ECI2: variants seen among roughly 807,000 people sequenced by gnomAD.
ECI2 encodes the protein D3,D2-enoyl-CoA isomerase.
In ECI2, 27 loss-of-function variants were observed where a neutral mutation model predicts 38.4. The observed-to-expected ratio is 0.70, with a 90% CI of 0.52 to 0.97. The LOEUF (loss-of-function observed/expected upper bound fraction) is 0.97, where lower values mean the gene tolerates loss of function less well. Among genes scored for constraint, ECI2 ranks in the 50% least tolerant of loss-of-function variants. The pLI is 0.00. For synonymous variants in ECI2, 168 were observed against 172.0 expected, an observed-to-expected ratio of 0.98 and a Z score of 0.18; for missense variants, 470 against 474.4, an observed-to-expected ratio of 0.99 and a Z score of 0.09.
At chr6:4,116,381 T>A (rs1772270667) in intron 9 of ECI2, among the ~76,000 whole-genome samples, 1 of 151,562 alleles carries the variant, frequency 6.6e-6, no homozygotes, top group Non-Finnish European at 1.5e-5. Context: ...CTAATAGGAG[T>A]GAGATTATTC....
At chr6:4,126,110 TCAGA>T (rs767464093) in intron 6 of ECI2, 21 bp downstream of exon 6, 22 of 1,592,400 alleles carry the variant, frequency 1.4e-5, no homozygotes, top group Non-Finnish European at 1.9e-5. Context: ...CCCTCTGGGA[TCAGA>T]CAAAGGTCAG....
chr6:4,135,218 C>T (rs771781786), intron 1 of ECI2: 2 of 867,020 alleles, frequency 2.3e-6, no homozygotes, highest in South Asian at 1.4e-5. Context: ...AGTCCGGCCC[C>T]AGGAGGATGG....
rs755074064 is a variant in ECI2, at chr6:4,133,584, C to T, written c.178G>A (p.Glu60Lys). 15 of 1,613,692 alleles carry T rather than the reference C, an allele frequency of 9.3e-6. No homozygotes were observed. Among genetic ancestry groups the T allele is most frequent in the Admixed American group, 1.7e-5 (1 of 59,912 alleles). ...AGCGCGTAGAGTTTTAGCTTCACTT[C>T]GTTTCCTGGATCCTTTTTCAAGAGT... ...VKLLKKDPGN[E>K]VKLKLYALYK... The change falls in exon 2 of 10, where the codon GAA becomes AAA. Residue 60 changes from glutamate to lysine, a missense_variant. Coordinates refer to ENST00000380118, the MANE Select transcript of ECI2 (RefSeq NM_206836.3).
chr6:4,126,264 CTCAT>C, intron 5 of ECI2, 27 bp from the exon 6 acceptor site: 1 of 1,569,518 alleles, frequency 6.4e-7, no homozygotes, highest in South Asian at 1.1e-5. Flanking sequence ...CAACAGATCC[CTCAT>C]TCAATCATCC....
At chr6:4,118,561 G>A (rs1050716981) in intron 8 of ECI2, 1 of 152,262 alleles carries the variant, frequency 6.6e-6, no homozygotes, top group Non-Finnish European at 1.5e-5. Context: ...TTCTGGTCTT[G>A]TCACAATCCC....
intron 7 of ECI2, among the ~76,000 whole-genome samples, chr6:4,120,426 A>G (rs1462494569): frequency 1.3e-5 from 2 of 152,176 alleles, no homozygotes; most frequent in Non-Finnish European, 2.9e-5. Flanking sequence ...ATCTAAATAT[A>G]TCAAACATAG....
chr6:4,131,079 G>A (rs1195074885), intron 2 of ECI2: 1 of 464,288 alleles, frequency 2.2e-6, no homozygotes, highest in Non-Finnish European at 3.8e-6. Flanking sequence ...ATAACTGCCT[G>A]TCTATGAAAA....
At chr6:4,132,324 A>T (rs1388644128) in intron 2 of ECI2, among the ~76,000 whole-genome samples, 3 of 151,242 alleles carry the variant, frequency 2.0e-5, no homozygotes, top group Non-Finnish European at 2.9e-5. Context: ...TGCTCAGCTC[A>T]TCCAGTCTCG....
At position 4,117,443 on chromosome 6, in the gene ECI2, C is replaced by G. The variant is rs1772357035; in HGVS notation, c.894G>C (p.Glu298Asp). Residue 298 changes from glutamate (E) to aspartate (D), a missense_variant, in exon 9 of 10, where the codon GAG becomes GAC. Glu to Asp is a conservative substitution (Grantham distance 45). Transcript: ENST00000380118. Reference sequence around the variant, plus strand: ...TTAACTTCTTTCCAAAAATAAGCATCTCTGTTGCCTGAAATGAAAAGCAAG... The same window carrying G: ...TTAACTTCTTTCCAAAAATAAGCATGTCTGTTGCCTGAAATGAAAAGCAAG... ...PKIMSPAKAT[E>D]MLIFGKKLTA... 1.2e-6 allele frequency: 2 copies of G among 1,610,602 alleles called. No homozygotes were observed. The highest frequency in any genetic ancestry group is 2.2e-5 in the South Asian group (2 of 90,182).
Position 4,132,791 on chromosome 6 carries a change from G to C in ECI2, c.213+758C>G, listed in dbSNP as rs144283961. Among the ~76,000 whole-genome samples the C allele has an allele frequency of 7.6e-4, 116 of 152,260 alleles. 1 individual carries two copies. The highest frequency in any genetic ancestry group is 2.7e-3 in the African/African-American group (114 of 41,544). ...TTATTTTCTTTCGTTTTTGGACAGA[G>C]TCTCGCTCTGTCACTCAGGCTGGAG... On this transcript the variant is annotated intron_variant, in intron 2 of 9. Transcript: ENST00000380118.
In ECI2 at chr6:4,117,407, C is replaced by T. The variant is rs527578254; in HGVS notation, c.930G>A (p.Glu310=). Residue 310 remains glutamate, a synonymous_variant, in exon 9 of 10, where the codon GAG becomes GAA. Transcript: ENST00000380118. The part of the protein sequence containing the change: ...LIFGKKLTAG[E]ACAQGLVTEV... The stretch of plus-strand genomic sequence containing the variant: ...CAGTAACAAGTCCTTGAGCACATGC[C>T]TCTCCCGCTGTTAACTTCTTTCCAA... 6 of 1,613,972 alleles carry T rather than the reference C, an allele frequency of 3.7e-6. No individual in the cohort carries two copies. Among genetic ancestry groups the T allele is most frequent in the South Asian group, 1.1e-5 (1 of 91,002 alleles).
chr6:4,127,431 T>G (rs1773240564), intron 5 of ECI2, among the ~76,000 whole-genome samples: 1 of 125,580 alleles, frequency 8.0e-6, no homozygotes, highest in East Asian at 2.1e-4. Context: ...TTTTTTTTTT[T>G]TGAGACAGAG....
chr6:4,129,476 T>G (rs1412466955), intron 4 of ECI2, among the ~76,000 whole-genome samples: 1 of 152,208 alleles, frequency 6.6e-6, no homozygotes, highest in Non-Finnish European at 1.5e-5. Flanking sequence ...AGTTACTTCT[T>G]AATCTAATTA....
Position 4,117,372 on chromosome 6 carries a change from G to C in ECI2, c.965C>G (p.Pro322Arg), listed in dbSNP as rs1459102706. 3.1e-6 allele frequency: 5 copies of C among 1,613,990 alleles called. No homozygotes were observed. Among genetic ancestry groups the C allele is most frequent in the East Asian group, 2.2e-5 (1 of 44,852 alleles). ...CAQGLVTEVF[P>R]DSTFQKEVWT... ...GACTTCTTTCTGAAAAGTGCTATCA[G>C]GGAAAACTTCAGTAACAAGTCCTTG... is the stretch of plus-strand genomic sequence containing the variant. The change falls in exon 9 of 10, where the codon CCT (proline) becomes CGT (arginine). Residue 322 changes from proline (P) to arginine (R), a missense_variant. Physicochemically the swap from Pro to Arg is moderately radical, Grantham distance 103. Transcript: ENST00000380118.
intron 8 of ECI2, 125 bp downstream of exon 8, chr6:4,119,061 A>G (rs1349902174): frequency 1.3e-6 from 1 of 788,626 alleles, no homozygotes; most frequent in East Asian, 2.9e-5. Flanking sequence ...AGAGTTGAAA[A>G]GCAAATCATT....
chr6:4,123,499 CAAAT>C (rs1310309915), intron 7 of ECI2, among the ~76,000 whole-genome samples: 2 of 151,142 alleles, frequency 1.3e-5, no homozygotes, highest in East Asian at 1.9e-4. Context: ...CACTATTTGA[CAAAT>C]AAATTTTACT....
At chr6:4,134,480 C>A (rs1322947764) in intron 1 of ECI2, among the ~76,000 whole-genome samples, 1 of 152,122 alleles carries the variant, frequency 6.6e-6, no homozygotes, top group Non-Finnish European at 1.5e-5. Context: ...AACTTGAATG[C>A]ACAGGACTCA....
intron 2 of ECI2, among the ~76,000 whole-genome samples, chr6:4,132,626 A>G: frequency 6.6e-6 from 1 of 152,150 alleles, no homozygotes; most frequent in East Asian, 1.9e-4. Context: ...TGGCATTGAA[A>G]CTTAAGAGCT....
intron 5 of ECI2, 60 bp downstream of exon 5, chr6:4,127,702 A>G (rs1773260882): frequency 6.5e-7 from 1 of 1,540,826 alleles, no homozygotes; most frequent in South Asian, 1.2e-5. Flanking sequence ...TCAATTTCCT[A>G]TCTATTAAGA....
Sources: gnomAD v4.1 joint callset for allele counts (sites outside exome capture counted in the v4.1 genomes callset) on GRCh38, gnomAD v4.1.1 for gene constraint, MANE v1.5 for transcripts, NCBI Gene and HGNC (gene_info 2026-07-23, HGNC 2026-07-21) for gene names.